Variants in TENM3 observed in about 807,000 individuals in gnomAD.
The protein encoded by TENM3 is teneurin transmembrane protein 3, also known as teneurin-3.
Under a neutral mutation model 255.1 loss-of-function variants are expected in TENM3, and 63 were observed. The ratio of observed to expected loss-of-function variants is 0.25; its 90% CI spans 0.20 to 0.30. TENM3 has a LOEUF of 0.30. Ranked by LOEUF, TENM3 falls within the 10% of genes least tolerant of loss-of-function variation. TENM3 has a pLI of 1.00. For synonymous variants in TENM3, 1,306 were observed against 1,322.3 expected, an observed-to-expected ratio of 0.99 and a Z score of 0.27; for missense variants, 2,929 against 3,461.1, an observed-to-expected ratio of 0.85 and a Z score of 3.86.
the TENM3 span, among the ~76,000 whole-genome samples, chr4:181,786,368 G>A: frequency 6.6e-6 from 1 of 152,110 alleles, no homozygotes; most frequent in African/African-American, 2.4e-5. Context: ...CATGTGCACG[G>A]GAGTCATACA....
chr4:182,356,837 A>C, intron 3 of TENM3, among the ~76,000 whole-genome samples: 1 of 151,058 alleles, frequency 6.6e-6, no homozygotes, highest in Non-Finnish European at 1.5e-5. Flanking sequence ...ATCTAGCATT[A>C]GGTATATCTC....
chr4:182,187,162 C>A (rs1191118727), intron 1 of TENM3, among the ~76,000 whole-genome samples: 1 of 151,842 alleles, frequency 6.6e-6, no homozygotes, highest in Non-Finnish European at 1.5e-5. Flanking sequence ...CTCATTAATT[C>A]TGGGTATTTA....
At chr4:181,713,581 G>GT in the TENM3 span, among the ~76,000 whole-genome samples, 1 of 152,018 alleles carries the variant, frequency 6.6e-6, no homozygotes, top group Non-Finnish European at 1.5e-5. Context: ...CCTGGTGTTG[G>GT]TAAGTACTTA....
chr4:181,766,488 C>T, the TENM3 span, among the ~76,000 whole-genome samples: 4 of 152,110 alleles, frequency 2.6e-5, no homozygotes, highest in Non-Finnish European at 5.9e-5. Context: ...AGGTCTAAAA[C>T]TTGGTAGTTC....
At chr4:182,462,005 C>G (rs1561472058) in intron 3 of TENM3, among the ~76,000 whole-genome samples, 1 of 151,940 alleles carries the variant, frequency 6.6e-6, no homozygotes, top group Non-Finnish European at 1.5e-5. Flanking sequence ...TTCTTCTGAA[C>G]TCTTCTTGCA....
the TENM3 span, among the ~76,000 whole-genome samples, chr4:182,100,580 T>TATATACAC: frequency 9.5e-4 from 95 of 99,498 alleles, no homozygotes; most frequent in East Asian, 6.6e-3. Flanking sequence ...TATATACACA[T>TATATACAC]ATATATACAC....
the TENM3 span, among the ~76,000 whole-genome samples, chr4:181,957,840 TA>T: frequency 1.3e-5 from 2 of 152,206 alleles, no homozygotes; most frequent in East Asian, 3.9e-4. Flanking sequence ...CTCAGCGCAC[TA>T]AATGTTCTCA....
At chr4:182,458,849 C>G (rs746844598) in intron 3 of TENM3, among the ~76,000 whole-genome samples, 2 of 152,240 alleles carry the variant, frequency 1.3e-5, no homozygotes, top group South Asian at 2.1e-4. Flanking sequence ...TGCTTACTCA[C>G]CAGCTTCCAG....
At chr4:181,620,475 G>A in the TENM3 span, among the ~76,000 whole-genome samples, 3 of 151,820 alleles carry the variant, frequency 2.0e-5, no homozygotes, top group Non-Finnish European at 2.9e-5. Context: ...ATCCGGGTTT[G>A]GCTCTGGGTT....
At chr4:182,175,334 T>TATACAC (rs1554026230) in intron 1 of TENM3, among the ~76,000 whole-genome samples, 1 of 146,070 alleles carries the variant, frequency 6.8e-6, no homozygotes, top group African/African-American at 2.5e-5. Flanking sequence ...TATATATATA[T>TATACAC]ACACACAAGT....
At chr4:181,741,769 A>G in the TENM3 span, among the ~76,000 whole-genome samples, 8 of 152,194 alleles carry the variant, frequency 5.3e-5, no homozygotes, top group Non-Finnish European at 1.0e-4. Flanking sequence ...ATAATAGCCT[A>G]TCACTCAAAC....
the TENM3 span, among the ~76,000 whole-genome samples, chr4:181,717,823 AT>A: frequency 6.6e-6 from 1 of 152,360 alleles, no homozygotes; most frequent in Admixed American, 6.5e-5. Context: ...TTTAAAAAAA[AT>A]AAAACATTGT....
chr4:182,543,180 AGGATGGAGGGATGCAT>A (rs1264990395), intron 3 of TENM3, among the ~76,000 whole-genome samples: 1 of 151,554 alleles, frequency 6.6e-6, no homozygotes, highest in South Asian at 2.1e-4. Context: ...CATGGATGCA[AGGATGGAGGGATGCAT>A]GGATGGATGC....
chr4:182,237,421 A>G lies in TENM3; in HGVS notation c.-75-86525A>G, dbSNP rs149115695. 1.2e-3 allele frequency among the ~76,000 whole-genome samples: 180 copies of G among 147,988 alleles called. 6 individuals carry two copies. The East Asian group carries it at 0.023, about 19-fold the overall frequency. On this transcript the variant is annotated intron_variant, in intron 1 of 2. Coordinates refer to the TENM3 transcript ENST00000512480. The stretch of plus-strand genomic sequence containing the variant: ...CACTCTGTCGCCTAGGCTGGGGTGC[A>G]ATGGTGCTATCTCGGCTCACTGTAA...
At chr4:182,655,746 T>C (rs1753694376) in intron 6 of TENM3, among the ~76,000 whole-genome samples, 1 of 152,166 alleles carries the variant, frequency 6.6e-6, no homozygotes, top group Non-Finnish European at 1.5e-5. Context: ...TCCGTAAAGC[T>C]GGAGTCCTTG....
At chr4:181,810,098 GA>G in the TENM3 span, among the ~76,000 whole-genome samples, 14 of 150,712 alleles carry the variant, frequency 9.3e-5, no homozygotes, top group Admixed American at 6.0e-4. Flanking sequence ...TTCTCTCAGG[GA>G]AAAAAAAAGC....
At chr4:182,122,837 A>T in the TENM3 span, among the ~76,000 whole-genome samples, 1 of 151,898 alleles carries the variant, frequency 6.6e-6, no homozygotes, top group East Asian at 1.9e-4. Context: ...CTGAGGTGGC[A>T]TCATCTTCCC....
At chr4:182,186,814 T>TATATATATATA in intron 1 of TENM3, among the ~76,000 whole-genome samples, 2 of 88,238 alleles carry the variant, frequency 2.3e-5, no homozygotes, top group Non-Finnish European at 4.3e-5. Context: ...TATATATATA[T>TATATATATATA]GGTCCTACCC....
At chr4:181,626,647 G>T in the TENM3 span, among the ~76,000 whole-genome samples, 101 of 152,210 alleles carry the variant, frequency 6.6e-4, no homozygotes, top group African/African-American at 2.3e-3. Context: ...ATTACCATGG[G>T]AATGGAGCTC....
Sources: gnomAD v4.1 joint callset for allele counts (sites outside exome capture counted in the v4.1 genomes callset) on GRCh38, gnomAD v4.1.1 for gene constraint, MANE v1.5 for transcripts, NCBI Gene and HGNC (gene_info 2026-07-23, HGNC 2026-07-21) for gene names.